Variants in FYB1 observed in about 807,000 individuals in gnomAD.
FYB1 encodes FYN binding protein 1.
A neutral mutation model predicts 94.1 loss-of-function variants in FYB1; 41 were observed. That is an observed-to-expected ratio of 0.44 (90% CI 0.34 to 0.57). The LOEUF is 0.57. Among genes scored for constraint, FYB1 ranks in the 20% least tolerant of loss-of-function variants. The probability of loss-of-function intolerance (pLI) is 0.02; values close to 1 mark genes in which losing one functional copy is unlikely to be tolerated. For missense variants in FYB1, 1,050 were observed against 976.8 expected, an observed-to-expected ratio of 1.07 and a Z score of -1.00; for synonymous variants, 367 against 353.2, an observed-to-expected ratio of 1.04 and a Z score of -0.44.
chr5:39,121,691 T>C (rs1740123331), intron 14 of FYB1, among the ~76,000 whole-genome samples: 1 of 152,146 alleles, frequency 6.6e-6, no homozygotes, highest in Non-Finnish European at 1.5e-5. Context: ...TATTCTCTAT[T>C]TCAAAAAAAA....
At chr5:39,192,068 T>A (rs1417774145) in intron 2 of FYB1, among the ~76,000 whole-genome samples, 1 of 152,074 alleles carries the variant, frequency 6.6e-6, no homozygotes, top group African/African-American at 2.4e-5. Context: ...TATAAAAGGG[T>A]TTTATTTGAC....
Position 39,203,003 on chromosome 5 carries a change from A to G in FYB1, c.-27-16T>C. The G allele has an allele frequency of 1.2e-6, 2 of 1,607,640 alleles. No individual in the cohort carries two copies. Among genetic ancestry groups the G allele is most frequent in the Non-Finnish European group, 1.7e-6 (2 of 1,175,984 alleles). The stretch of plus-strand genomic sequence containing the variant: ...CCTTTCCATCCTACAAACATAGGGA[A>G]CAAAAAATAGCTGAGAGACAAAAGT... On this transcript the variant is annotated splice_polypyrimidine_tract_variant and intron_variant, in intron 1 of 18. Transcript: ENST00000512982.
intron 2 of FYB1, among the ~76,000 whole-genome samples, chr5:39,155,573 G>A (rs990556744): frequency 3.3e-5 from 5 of 152,176 alleles, no homozygotes; most frequent in South Asian, 2.1e-4. Context: ...CAATCCTTTC[G>A]TGTATAATTT....
intron 16 of FYB1, among the ~76,000 whole-genome samples, chr5:39,112,061 A>G (rs1285393667): frequency 6.6e-6 from 1 of 151,980 alleles, no homozygotes; most frequent in Non-Finnish European, 1.5e-5. Flanking sequence ...CTCATGTCCA[A>G]CAAATTCAAT....
intron 13 of FYB1, among the ~76,000 whole-genome samples, chr5:39,122,694 T>C (rs1195765906): frequency 6.6e-6 from 1 of 152,090 alleles, no homozygotes; most frequent in African/African-American, 2.4e-5. Flanking sequence ...GATCTACAAG[T>C]GCAATGAATG....
intron 11 of FYB1, among the ~76,000 whole-genome samples, chr5:39,127,201 T>C (rs951048273): frequency 6.6e-5 from 10 of 151,372 alleles, no homozygotes; most frequent in African/African-American, 2.4e-4. Context: ...GAACAGATAA[T>C]TATTATTAAG....
At chr5:39,201,712 A>G in intron 2 of FYB1, 114 bp downstream of exon 2, 1 of 933,858 alleles carries the variant, frequency 1.1e-6, no homozygotes, top group Non-Finnish European at 1.6e-6. Flanking sequence ...CATTATACAC[A>G]TATGAGTACC....
At chr5:39,147,681 A>T (rs1489196870) in intron 3 of FYB1, among the ~76,000 whole-genome samples, 1 of 149,502 alleles carries the variant, frequency 6.7e-6, no homozygotes, top group Non-Finnish European at 1.5e-5. Context: ...ACTGCAGATG[A>T]TAAAGTCCAC....
Position 39,157,719 on chromosome 5 carries a change from G to C in FYB1, c.1136-4115C>G, listed in dbSNP as rs193119895. 5.3e-3 allele frequency among the ~76,000 whole-genome samples: 803 copies of C among 152,254 alleles called. 5 individuals are homozygous for C. The highest frequency in any genetic ancestry group is 0.014 in the Middle Eastern group (4 of 292). On this transcript the variant is annotated intron_variant, in intron 2 of 18. Coordinates refer to ENST00000512982, the MANE Select transcript of FYB1 (RefSeq NM_001465.6). ...TATGGACCTCATCTCCCAAAGCTCA[G>C]GGGGGGAATGCCTGGGTATCTGTGA...
At chr5:39,249,719 G>T (rs1056759446) in intron 1 of FYB1, among the ~76,000 whole-genome samples, 2 of 152,178 alleles carry the variant, frequency 1.3e-5, no homozygotes, top group Non-Finnish European at 2.9e-5. Flanking sequence ...TGGTGGAAAT[G>T]GAGAAATATA....
At chr5:39,270,688 T>C in intron 1 of FYB1, 1 of 978,136 alleles carries the variant, frequency 1.0e-6, no homozygotes. Context: ...AGCTGTGTGG[T>C]CTGTCCAGCT....
chr5:39,159,584 A>G (rs1439366411), intron 2 of FYB1, among the ~76,000 whole-genome samples: 2 of 152,040 alleles, frequency 1.3e-5, no homozygotes, highest in Non-Finnish European at 2.9e-5. Flanking sequence ...ACTACAGATG[A>G]CCTTACCTCT....
intron 2 of FYB1, among the ~76,000 whole-genome samples, chr5:39,188,872 A>G (rs914109631): frequency 8.5e-5 from 13 of 152,146 alleles, no homozygotes; most frequent in Non-Finnish European, 1.6e-4. Flanking sequence ...AACACCTTGC[A>G]TTAGAATCAT....
chr5:39,165,273 C>T (rs909464010), intron 2 of FYB1, among the ~76,000 whole-genome samples: 3 of 152,068 alleles, frequency 2.0e-5, no homozygotes, highest in African/African-American at 7.2e-5. Flanking sequence ...AACGGCATGG[C>T]ACTGGTATAA....
intron 1 of FYB1, among the ~76,000 whole-genome samples, chr5:39,224,987 T>G (rs1750411499): frequency 6.6e-6 from 1 of 152,212 alleles, no homozygotes; most frequent in Admixed American, 6.5e-5. Context: ...CAGAGGTTTT[T>G]GCTACATGGG....
chr5:39,122,287 G>T, intron 14 of FYB1, 49 bp downstream of exon 14: 7 of 1,222,572 alleles, frequency 5.7e-6, no homozygotes, highest in Non-Finnish European at 7.1e-6. Flanking sequence ...GAATTTTCTT[G>T]AGTATTCTCA....
At chr5:39,169,434 G>A (rs1745044625) in intron 2 of FYB1, 1 of 738,412 alleles carries the variant, frequency 1.4e-6, no homozygotes, top group South Asian at 1.3e-5. Flanking sequence ...AAAAAGAACA[G>A]GAACATTTCA....
intron 1 of FYB1, among the ~76,000 whole-genome samples, chr5:39,239,830 C>G (rs562823986): frequency 3.6e-4 from 54 of 152,098 alleles, no homozygotes; most frequent in Middle Eastern, 3.4e-3. Context: ...CACATGGAAC[C>G]AAAAAAGAGC....
intron 16 of FYB1, among the ~76,000 whole-genome samples, chr5:39,116,351 G>T (rs1739569617): frequency 1.3e-5 from 2 of 152,152 alleles, no homozygotes; most frequent in Admixed American, 6.5e-5. Flanking sequence ...AAGAATTTAG[G>T]TAGTTAACGA....
Sources: allele counts gnomAD v4.1 joint callset (sites outside exome capture counted in the v4.1 genomes callset), GRCh38; gene constraint gnomAD v4.1.1; transcripts MANE v1.5; gene names NCBI Gene and HGNC (gene_info 2026-07-23, HGNC 2026-07-21).